Variants in KIF26B observed in about 807,000 individuals in gnomAD.
KIF26B encodes the protein kinesin-like protein KIF26B.
KIF26B carries 63 observed loss-of-function variants against 151.2 expected under a neutral mutation model. That is an observed-to-expected ratio of 0.42 (90% CI 0.34 to 0.51). The LOEUF (loss-of-function observed/expected upper bound fraction) is 0.51, where lower values mean the gene tolerates loss of function less well. Ranked by LOEUF, KIF26B falls within the 20% of genes least tolerant of loss-of-function variation. The pLI is 0.07. For synonymous variants in KIF26B, 1,357 were observed against 1,262.1 expected (o/e 1.08, Z -1.59); for missense variants, 2,813 against 2,913.6 (o/e 0.97, Z 0.79).
chr1:245,499,355 A>C (rs539623402), intron 4 of KIF26B, among the ~76,000 whole-genome samples: 1 of 152,294 alleles, frequency 6.6e-6, no homozygotes, highest in Non-Finnish European at 1.5e-5. Context: ...GGTTGAATAA[A>C]TCAGCCCAGA....
At chr1:245,552,650 T>C (rs1661921373) in intron 5 of KIF26B, among the ~76,000 whole-genome samples, 1 of 149,250 alleles carries the variant, frequency 6.7e-6, no homozygotes, top group South Asian at 2.1e-4. Context: ...TCTCACTCTG[T>C]CGCCCAGGCT....
intron 2 of KIF26B, among the ~76,000 whole-genome samples, chr1:245,165,266 G>T (rs1668597503): frequency 6.6e-6 from 1 of 152,196 alleles, no homozygotes; most frequent in Non-Finnish European, 1.5e-5. Context: ...GCCATGGGGA[G>T]CTGCTGAGAT....
intron 4 of KIF26B, among the ~76,000 whole-genome samples, chr1:245,420,533 C>T (rs181573464): frequency 1.1e-4 from 17 of 152,292 alleles, no homozygotes; most frequent in Admixed American, 2.0e-4. Flanking sequence ...TAATTTAATG[C>T]TCAGAACTGA....
intron 4 of KIF26B, among the ~76,000 whole-genome samples, chr1:245,459,650 A>T (rs1659606672): frequency 6.6e-6 from 1 of 152,166 alleles, no homozygotes; most frequent in African/African-American, 2.4e-5. Flanking sequence ...GAAGAATCTC[A>T]GGGTTGGCTG....
At chr1:245,633,026 G>T (rs2043798006) in intron 9 of KIF26B, among the ~76,000 whole-genome samples, 1 of 152,056 alleles carries the variant, frequency 6.6e-6, no homozygotes, top group African/African-American at 2.4e-5. Context: ...CTCCAGTGTT[G>T]ACTGCATATA....
At chr1:245,689,017 C>A (rs541871023) in intron 12 of KIF26B, among the ~76,000 whole-genome samples, 1 of 152,120 alleles carries the variant, frequency 6.6e-6, no homozygotes, top group Admixed American at 6.5e-5. Flanking sequence ...TTCCCACGGC[C>A]CGGCACCCCG....
At chr1:245,650,604 T>C (rs929659319) in intron 10 of KIF26B, among the ~76,000 whole-genome samples, 31 of 152,276 alleles carry the variant, frequency 2.0e-4, no homozygotes, top group African/African-American at 6.0e-4. Context: ...ACACCTGTCA[T>C]GCAGGCGTCC....
chr1:245,299,364 A>G (rs1465011500), intron 2 of KIF26B, among the ~76,000 whole-genome samples: 1 of 123,982 alleles, frequency 8.1e-6, no homozygotes, highest in Non-Finnish European at 1.6e-5. Context: ...CGCCCACATG[A>G]TGGGTTGTAA....
At position 245,155,139 on chromosome 1, in the gene KIF26B, G is replaced by C. The variant is rs1404053662; in HGVS notation, c.-286G>C. The stretch of plus-strand genomic sequence containing the variant: ...GGCTGAAGAAAATGCCAGTTCTGTG[G>C]ATGTGGCCGTGACAAGAGGACGTGC... On this transcript the variant is annotated 5_prime_UTR_variant, in exon 1 of 15. Coordinates refer to ENST00000407071, the MANE Select transcript of KIF26B (RefSeq NM_018012.4). The C allele has an allele frequency of 1.8e-6, 1 of 544,358 alleles. No homozygotes were observed. Among genetic ancestry groups the C allele is most frequent in the Admixed American group, 3.8e-5 (1 of 26,234 alleles). 33.7% of individuals were successfully genotyped at this position (544,358 alleles called of 1,614,324 possible). A position where few individuals can be genotyped will look rare whatever the true frequency, so the allele number is the denominator to read the frequency against.
At chr1:245,214,570 A>G (rs1469770236) in intron 2 of KIF26B, among the ~76,000 whole-genome samples, 1 of 152,022 alleles carries the variant, frequency 6.6e-6, no homozygotes, top group African/African-American at 2.4e-5. Context: ...CCCAGCCTCA[A>G]GCCTAAAATG....
chr1:245,327,241 C>G (rs1672009619), intron 2 of KIF26B, among the ~76,000 whole-genome samples: 1 of 152,150 alleles, frequency 6.6e-6, no homozygotes, highest in Admixed American at 6.5e-5. Flanking sequence ...TGGTTAGGAC[C>G]ATTACGATTT....
chr1:245,621,242 G>T (rs907805750), intron 9 of KIF26B, among the ~76,000 whole-genome samples: 1 of 152,192 alleles, frequency 6.6e-6, no homozygotes, highest in Non-Finnish European at 1.5e-5. Flanking sequence ...GCTTCTGCAT[G>T]CTTTCTGGTT....
At chr1:245,436,724 T>G (rs1658942841) in intron 4 of KIF26B, among the ~76,000 whole-genome samples, 1 of 152,138 alleles carries the variant, frequency 6.6e-6, no homozygotes, top group South Asian at 2.1e-4. Context: ...ACAAAACAAC[T>G]GGACACCGTA....
Position 245,688,117 on chromosome 1 carries a change from C to T in KIF26B, c.5134C>T (p.Arg1712Cys), listed in dbSNP as rs2044561303. 3 of 1,568,148 alleles carry T rather than the reference C, an allele frequency of 1.9e-6. No homozygotes were observed. The highest frequency in any genetic ancestry group is 2.7e-5 in the African/African-American group (2 of 74,030). ...TMPRAGRSLGRSAGTSPPSSG... is the reference protein window; with the variant it reads ...TMPRAGRSLGCSAGTSPPSSG... Reference sequence around the variant, plus strand: ...GCCCCGCGCGGGGAGGAGCCTGGGCCGCAGCGCCGGGACCTCGCCCCCCAG... The same window carrying T: ...GCCCCGCGCGGGGAGGAGCCTGGGCTGCAGCGCCGGGACCTCGCCCCCCAG... The change falls in exon 12 of 15, where the codon CGC (arginine) becomes TGC (cysteine). Residue 1712 changes from arginine (R) to cysteine (C), a missense_variant. By Grantham distance (180) the Arg-to-Cys change is radical. Coordinates refer to ENST00000407071, the MANE Select transcript of KIF26B (RefSeq NM_018012.4).
At chr1:245,328,715 G>A (rs1350758094) in intron 2 of KIF26B, among the ~76,000 whole-genome samples, 1 of 152,184 alleles carries the variant, frequency 6.6e-6, no homozygotes, top group Non-Finnish European at 1.5e-5. Context: ...CACTGTGACC[G>A]CCCTCCTGGT....
intron 10 of KIF26B, among the ~76,000 whole-genome samples, chr1:245,677,528 G>C (rs556759418): frequency 6.6e-6 from 1 of 152,338 alleles, no homozygotes; most frequent in African/African-American, 2.4e-5. Context: ...CTCTCCTTCT[G>C]AAAATGCCAT....
At chr1:245,174,672 C>T (rs1668773435) in intron 2 of KIF26B, among the ~76,000 whole-genome samples, 1 of 152,072 alleles carries the variant, frequency 6.6e-6, no homozygotes, top group Non-Finnish European at 1.5e-5. Context: ...ACACCTGGCC[C>T]CTCAGCAACT....
intron 4 of KIF26B, among the ~76,000 whole-genome samples, chr1:245,486,241 A>C (rs1165286136): frequency 6.6e-6 from 1 of 152,242 alleles, no homozygotes; most frequent in South Asian, 2.1e-4. Context: ...TTATGAAATC[A>C]GTGAGAAACT....
intron 4 of KIF26B, among the ~76,000 whole-genome samples, chr1:245,443,131 T>A (rs1659154232): frequency 1.3e-5 from 2 of 148,444 alleles, no homozygotes; most frequent in Admixed American, 1.3e-4. Context: ...CCCTCACTGT[T>A]CACCTAGAGC....
Sources: gnomAD v4.1 joint callset for allele counts (sites outside exome capture counted in the v4.1 genomes callset) on GRCh38, gnomAD v4.1.1 for gene constraint, MANE v1.5 for transcripts, NCBI Gene and HGNC (gene_info 2026-07-23, HGNC 2026-07-21) for gene names.